Variants in DNAH9 observed in about 807,000 individuals in gnomAD.
DNAH9 encodes the protein DNAH9 variant protein.
A neutral mutation model predicts 471.6 loss-of-function variants in DNAH9; 345 were observed. The observed-to-expected ratio is 0.73, with a 90% CI of 0.67 to 0.80. The LOEUF (loss-of-function observed/expected upper bound fraction) is 0.80. Among genes scored for constraint, DNAH9 ranks in the 30% least tolerant of loss-of-function variants. DNAH9 has a pLI of 0.00. For missense variants in DNAH9, 5,407 were observed against 5,609.2 expected (o/e 0.96, Z 1.15); for synonymous variants, 2,093 against 2,123.6 (o/e 0.99, Z 0.40).
chr17:11,714,441 C>T (rs1025063244), intron 26 of DNAH9, among the ~76,000 whole-genome samples: 2 of 152,036 alleles, frequency 1.3e-5, no homozygotes, highest in African/African-American at 4.8e-5. Context: ...CTGAGTATGC[C>T]TCGGGGCCTC....
At chr17:11,897,980 C>T (rs532722557) in intron 59 of DNAH9, among the ~76,000 whole-genome samples, 39 of 152,232 alleles carry the variant, frequency 2.6e-4, no homozygotes, top group African/African-American at 7.2e-4. Context: ...GCTTCCTTGC[C>T]GCCTCCAGCT....
At chr17:11,765,591 C>G (rs919430271) in intron 36 of DNAH9, among the ~76,000 whole-genome samples, 2 of 152,168 alleles carry the variant, frequency 1.3e-5, no homozygotes, top group Non-Finnish European at 2.9e-5. Context: ...ACTGCCCTCC[C>G]CAGAGACAGA....
At chr17:11,923,738 G>A (rs2151029218) in intron 61 of DNAH9, 76 bp from the exon 62 acceptor site, 1 of 1,573,864 alleles carries the variant, frequency 6.4e-7, no homozygotes, top group East Asian at 2.3e-5. Flanking sequence ...ATCTGAGCGT[G>A]TGCATTTCCT....
At chr17:11,704,544 A>T in intron 25 of DNAH9, 102 bp downstream of exon 25, 1 of 1,098,058 alleles carries the variant, frequency 9.1e-7, no homozygotes, top group Non-Finnish European at 1.3e-6. Context: ...TACAGCACTG[A>T]CCAGACAGCT....
intron 48 of DNAH9, among the ~76,000 whole-genome samples, chr17:11,830,831 C>T (rs1970664180): frequency 6.6e-6 from 1 of 152,088 alleles, no homozygotes; most frequent in African/African-American, 2.4e-5. Context: ...TCTTGGTTTT[C>T]CCATAGCTGA....
chr17:11,760,521 A>T (rs1567781486), intron 35 of DNAH9, among the ~76,000 whole-genome samples: 1 of 150,938 alleles, frequency 6.6e-6, no homozygotes, highest in African/African-American at 2.4e-5. Context: ...AGTTTTTTTT[A>T]TTTTTATTTT....
chr17:11,715,586 C>T (rs943315082), intron 26 of DNAH9, among the ~76,000 whole-genome samples: 2 of 152,154 alleles, frequency 1.3e-5, no homozygotes, highest in East Asian at 1.9e-4. Flanking sequence ...CCTGTGTTCC[C>T]ACTGGAACCA....
intron 59 of DNAH9, among the ~76,000 whole-genome samples, chr17:11,895,488 G>A (rs1335144926): frequency 1.3e-5 from 2 of 152,090 alleles, no homozygotes; most frequent in Non-Finnish European, 2.9e-5. Context: ...TATTAAAATG[G>A]TTTATTTTGA....
chr17:11,603,699 G>GCAGA (rs1386101100), intron 1 of DNAH9, among the ~76,000 whole-genome samples: 3 of 152,058 alleles, frequency 2.0e-5, no homozygotes, highest in Admixed American at 6.5e-5. Context: ...CCCCTTCATA[G>GCAGA]CAGAATTCCT....
intron 28 of DNAH9, among the ~76,000 whole-genome samples, chr17:11,733,573 C>T (rs1431359227): frequency 6.6e-6 from 1 of 152,158 alleles, no homozygotes; most frequent in Non-Finnish European, 1.5e-5. Context: ...AAACCCTAGC[C>T]AGGTGCGGTG....
chr17:11,875,844 G>A lies in DNAH9; in HGVS notation c.10478+660G>A, dbSNP rs559399854. The A allele has an allele frequency of 2.0e-5, 3 of 152,480 alleles. No individual in the cohort carries two copies. The South Asian group carries it at 6.2e-4, about 32-fold the overall frequency. 9.4% of individuals were successfully genotyped at this position (152,480 alleles called of 1,614,324 possible). A position where few individuals can be genotyped will look rare whatever the true frequency, so the allele number is the denominator to read the frequency against. On this transcript the variant is annotated intron_variant, in intron 53 of 68. Coordinates refer to ENST00000262442, the MANE Select transcript of DNAH9 (RefSeq NM_001372.4). The stretch of plus-strand genomic sequence containing the variant: ...TGCCTCCCTTCATTTTAGCCTTGTG[G>A]TTTCAGTACTCATCCTGTTCTATGT...
At chr17:11,908,512 C>T (rs1973682556) in intron 61 of DNAH9, among the ~76,000 whole-genome samples, 2 of 152,156 alleles carry the variant, frequency 1.3e-5, no homozygotes, top group African/African-American at 2.4e-5. Flanking sequence ...ACAAGCTTTA[C>T]GGAGGTAATT....
At chr17:11,874,244 C>CAA (rs770328921) in intron 52 of DNAH9, among the ~76,000 whole-genome samples, 3 of 106,436 alleles carry the variant, frequency 2.8e-5, no homozygotes, top group Non-Finnish European at 1.9e-5. Context: ...GATTCCATCT[C>CAA]AAAAAAAAAA....
In DNAH9 at chr17:11,793,624, T is replaced by C. The variant is rs748493928; in HGVS notation, c.8183T>C (p.Phe2728Ser). ...KMVEEKDFDLFDKIQTEVLKK... is the reference protein window; with the variant it reads ...KMVEEKDFDLSDKIQTEVLKK... The stretch of plus-strand genomic sequence containing the variant: ...GTAGAAGAAAAGGACTTTGATCTTT[T>C]TGATAAAATCCAGACAGAAGTGCTC... Residue 2728 changes from phenylalanine (F) to serine (S), a missense_variant, in exon 42 of 69, where the codon TTT (phenylalanine) becomes TCT (serine). Coordinates refer to ENST00000262442, the MANE Select transcript of DNAH9 (RefSeq NM_001372.4). 3 of 1,613,986 alleles carry C rather than the reference T, an allele frequency of 1.9e-6. No individual in the cohort carries two copies. In the South Asian group the frequency reaches 3.3e-5, roughly 18 times the overall value.
intron 56 of DNAH9, among the ~76,000 whole-genome samples, chr17:11,885,136 A>G (rs1027225513): frequency 9.2e-5 from 14 of 152,256 alleles, no homozygotes; most frequent in African/African-American, 3.4e-4. Flanking sequence ...GAAATTTGCT[A>G]TAATCCTAGG....
Position 11,669,758 on chromosome 17 carries a change from T to C in DNAH9, c.3317T>C (p.Leu1106Pro). ...LLNIIKRWSL[L>P]FKQHLVDHVT... ...AATATTATTAAGAGGTGGAGCCTCC[T>C]GTTCAAACAGCATCTTGTGGACCAC... is the stretch of plus-strand genomic sequence containing the variant. Residue 1106 changes from leucine to proline, a missense_variant, in exon 17 of 69, where the codon CTG becomes CCG. This residue lies in a region of DNAH9 where 4,636 missense variants were observed against 4,900.3 expected (regional missense o/e 0.95). Transcript: ENST00000262442. 1.2e-6 allele frequency: 2 copies of C among 1,614,196 alleles called. No homozygotes were observed. The highest frequency in any genetic ancestry group is 1.7e-6 in the Non-Finnish European group (2 of 1,180,016).
rs775806712 is a variant in DNAH9 at position 11,854,240 on chromosome 17, G to A, written c.9745G>A (p.Glu3249Lys). 30 of 1,614,040 alleles carry A rather than the reference G, an allele frequency of 1.9e-5. No homozygotes were observed. Among genetic ancestry groups the A allele is most frequent in the South Asian group, 3.3e-5 (3 of 91,082 alleles). Residue 3249 changes from glutamate (E) to lysine (K), a missense_variant, in exon 50 of 69, where the codon GAG (glutamate) becomes AAG (lysine). Physicochemically the swap from Glu to Lys is moderately conservative, Grantham distance 56. This residue lies in a region of DNAH9 where 4,636 missense variants were observed against 4,900.3 expected (regional missense o/e 0.95). Transcript: ENST00000262442. ...KAIRPYLQDPEFNPEFVATKS... is the reference protein window; with the variant it reads ...KAIRPYLQDPKFNPEFVATKS... ...CATCAGGCCGTATCTGCAAGACCCC[G>A]AGTTCAATCCTGAGTTTGTGGCCAC...
intron 42 of DNAH9, among the ~76,000 whole-genome samples, chr17:11,795,073 TA>T (rs11404859): frequency 1.3e-5 from 2 of 151,642 alleles, no homozygotes; most frequent in South Asian, 4.2e-4. Context: ...TAAAGTATAA[TA>T]AAAAAATACA....
At chr17:11,632,848 C>T (rs2073095094) in intron 8 of DNAH9, 145 bp downstream of exon 8, 2 of 486,000 alleles carry the variant, frequency 4.1e-6, no homozygotes, top group Middle Eastern at 5.4e-4. Context: ...TATGGGAATC[C>T]TTCTTATATC....
Sources: gnomAD v4.1 joint callset for allele counts (sites outside exome capture counted in the v4.1 genomes callset) on GRCh38, gnomAD v4.1.1 for gene constraint, gnomAD v4.1.1 regional missense constraint, MANE v1.5 for transcripts, NCBI Gene and HGNC (gene_info 2026-07-23, HGNC 2026-07-21) for gene names.